Variants in SNTG2 observed in about 807,000 individuals in gnomAD.
SNTG2 encodes the protein syntrophin gamma 2.
SNTG2 carries 74 observed loss-of-function variants against 70.9 expected under a neutral mutation model. The observed-to-expected ratio is 1.04, with a 90% CI of 0.86 to 1.27. The LOEUF (loss-of-function observed/expected upper bound fraction) is 1.27. Among genes scored for constraint, SNTG2 ranks in the 50% most tolerant of loss-of-function variants. The pLI, the probability that SNTG2 is intolerant of heterozygous loss-of-function variation, is 0.00. For missense variants in SNTG2, 717 were observed against 690.7 expected (o/e 1.04, Z -0.43); for synonymous variants, 278 against 273.8 (o/e 1.02, Z -0.15).
At chr2:954,160 T>G (rs1036162107) in intron 1 of SNTG2, among the ~76,000 whole-genome samples, 3 of 152,170 alleles carry the variant, frequency 2.0e-5, no homozygotes, top group Non-Finnish European at 4.4e-5. Context: ...CCCTAGCTCC[T>G]GCGCTGCTGG....
intron 4 of SNTG2, among the ~76,000 whole-genome samples, chr2:1,113,154 C>CTTTT (rs1198099638): frequency 2.2e-5 from 3 of 138,574 alleles, no homozygotes; most frequent in African/African-American, 5.5e-5. Flanking sequence ...TGAGGAGGAT[C>CTTTT]GTGGGTACTA....
chr2:1,189,224 C>A (rs1672429090), intron 8 of SNTG2, among the ~76,000 whole-genome samples: 1 of 151,838 alleles, frequency 6.6e-6, no homozygotes, highest in Admixed American at 6.6e-5. Context: ...TTTGTAAGAC[C>A]TTTATAAAAA....
intron 8 of SNTG2, among the ~76,000 whole-genome samples, chr2:1,188,557 A>G (rs575596849): frequency 1.3e-5 from 2 of 152,310 alleles, no homozygotes; most frequent in East Asian, 3.9e-4. Flanking sequence ...TATATATACA[A>G]TAATAATGAG....
chr2:1,124,666 C>T (rs1436893292), intron 4 of SNTG2, among the ~76,000 whole-genome samples: 1 of 152,138 alleles, frequency 6.6e-6, no homozygotes, highest in Non-Finnish European at 1.5e-5. Context: ...GACGCTATGC[C>T]AGGGGAAACA....
chr2:1,269,227 C>T (rs182977552), intron 14 of SNTG2, among the ~76,000 whole-genome samples: 10 of 152,166 alleles, frequency 6.6e-5, no homozygotes, highest in Admixed American at 1.3e-4. Flanking sequence ...GTGAAGTCTG[C>T]GCACGGTGGT....
At chr2:1,132,497 A>G (rs572941988) in intron 4 of SNTG2, among the ~76,000 whole-genome samples, 2 of 152,246 alleles carry the variant, frequency 1.3e-5, no homozygotes, top group East Asian at 1.9e-4. Context: ...GATGTAGGCA[A>G]TTTTCCCTTA....
chr2:1,082,649 A>G (rs1199479141), intron 1 of SNTG2, among the ~76,000 whole-genome samples: 2 of 152,106 alleles, frequency 1.3e-5, no homozygotes, highest in South Asian at 4.1e-4. Flanking sequence ...CCTGGCTGCC[A>G]CCCCTGCTCC....
At chr2:1,233,147 C>T (rs970901993) in intron 9 of SNTG2, among the ~76,000 whole-genome samples, 39 of 152,218 alleles carry the variant, frequency 2.6e-4, no homozygotes, top group African/African-American at 9.2e-4. Flanking sequence ...AGGCGATTTA[C>T]ACATTTTGAC....
rs757198816 is a variant in SNTG2, at chr2:1,125,965, A to G, written c.326-11657A>G. 9.3e-4 allele frequency among the ~76,000 whole-genome samples: 141 copies of G among 152,226 alleles called. 2 individuals carry two copies. Among genetic ancestry groups the G allele is most frequent in the Non-Finnish European group, 1.9e-4 (13 of 68,040 alleles). ...GATCAGGATAATTATCATATTCATCATCTCCAACATTTATTATTTCTTTGT... is the reference window on the plus strand; with the variant it reads ...GATCAGGATAATTATCATATTCATCGTCTCCAACATTTATTATTTCTTTGT... On this transcript the variant is annotated intron_variant, in intron 4 of 16. Coordinates refer to ENST00000308624, the MANE Select transcript of SNTG2 (RefSeq NM_018968.4).
chr2:1,117,411 C>CT (rs1343085485), intron 4 of SNTG2, among the ~76,000 whole-genome samples: 2 of 152,080 alleles, frequency 1.3e-5, no homozygotes. Context: ...ATTATCTTTC[C>CT]TTTTTTTCTT....
At chr2:1,355,314 A>G (rs1254251406) in intron 16 of SNTG2, among the ~76,000 whole-genome samples, 1 of 152,170 alleles carries the variant, frequency 6.6e-6, no homozygotes, top group Non-Finnish European at 1.5e-5. Flanking sequence ...TTTATCTCAC[A>G]TGACCGAAAC....
chr2:985,823 G>A (rs1429221890), intron 1 of SNTG2, among the ~76,000 whole-genome samples: 5 of 152,012 alleles, frequency 3.3e-5, no homozygotes, highest in African/African-American at 1.2e-4. Context: ...CCTTTATCAC[G>A]TGAATCCTCT....
chr2:1,148,366 A>G (rs539184541), intron 6 of SNTG2, among the ~76,000 whole-genome samples: 1 of 152,340 alleles, frequency 6.6e-6, no homozygotes, highest in South Asian at 2.1e-4. Context: ...AGGGACATGA[A>G]GGCGACATCA....
At chr2:1,067,548 T>C (rs762754550) in intron 1 of SNTG2, among the ~76,000 whole-genome samples, 10 of 152,226 alleles carry the variant, frequency 6.6e-5, no homozygotes, top group Non-Finnish European at 1.2e-4. Flanking sequence ...TTAAGCCTCT[T>C]TTTTAACCTC....
At chr2:1,052,296 G>A (rs748415347) in intron 1 of SNTG2, among the ~76,000 whole-genome samples, 4 of 152,096 alleles carry the variant, frequency 2.6e-5, no homozygotes, top group Admixed American at 6.5e-5. Flanking sequence ...TTTAAGTTAC[G>A]TACAGGAATA....
At chr2:981,576 C>T (rs368851382) in intron 1 of SNTG2, among the ~76,000 whole-genome samples, 14 of 151,980 alleles carry the variant, frequency 9.2e-5, no homozygotes, top group East Asian at 1.9e-4. Context: ...CACACACATA[C>T]GTATTCAAGG....
chr2:1,169,780 C>A (rs7585498), intron 7 of SNTG2, among the ~76,000 whole-genome samples: 1 of 152,054 alleles, frequency 6.6e-6, no homozygotes, highest in Non-Finnish European at 1.5e-5. Flanking sequence ...ACGGACCACC[C>A]CACACGTCCT....
At chr2:1,058,693 G>A (rs898834357) in intron 1 of SNTG2, among the ~76,000 whole-genome samples, 9 of 152,220 alleles carry the variant, frequency 5.9e-5, no homozygotes, top group African/African-American at 2.2e-4. Context: ...TCCTTGGCTA[G>A]AGGGTGGAGT....
chr2:1,282,343 C>T (rs2148209039), intron 14 of SNTG2, among the ~76,000 whole-genome samples: 1 of 152,306 alleles, frequency 6.6e-6, no homozygotes, highest in Non-Finnish European at 1.5e-5. Context: ...CTTGTGAGCC[C>T]TTAGATGAAG....
Sources: allele counts gnomAD v4.1 joint callset (sites outside exome capture counted in the v4.1 genomes callset), GRCh38; gene constraint gnomAD v4.1.1; transcripts MANE v1.5; gene names NCBI Gene and HGNC (gene_info 2026-07-23, HGNC 2026-07-21).